Variants in AXIN2 observed in about 807,000 individuals in gnomAD.
The protein encoded by AXIN2 is axin 2, also known as axin-2.
In AXIN2, 21 loss-of-function variants were observed where a neutral mutation model predicts 74.7. The ratio of observed to expected loss-of-function variants is 0.28; its 90% CI spans 0.20 to 0.40. The LOEUF (loss-of-function observed/expected upper bound fraction) is 0.40. Among genes scored for constraint, AXIN2 ranks in the 10% least tolerant of loss-of-function variants. The probability of loss-of-function intolerance (pLI) is 1.00; values close to 1 mark genes in which losing one functional copy is unlikely to be tolerated. For synonymous variants in AXIN2, 532 were observed against 454.9 expected (o/e 1.17, Z -2.16); for missense variants, 1,144 against 1,111.1 (o/e 1.03, Z -0.42).
intron 4 of AXIN2, among the ~76,000 whole-genome samples, chr17:65,539,111 C>T (rs2044000230): frequency 6.6e-6 from 1 of 152,174 alleles, no homozygotes; most frequent in Admixed American, 6.5e-5. Flanking sequence ...AGTACGCCTG[C>T]CAAAAGCAGC....
At position 65,534,055 on chromosome 17, in the gene AXIN2, T is replaced by C. The variant is rs1060504485; in HGVS notation, c.2262A>G (p.Ala754=). The change falls in exon 10 of 11, where the codon GCA becomes GCG. Residue 754 remains alanine, a synonymous_variant. Transcript: ENST00000307078. ...PEDHKEPKKL[A]GVHALQASEL... is the part of the protein sequence containing the mutation. ...CACTGGCCTGGAGCGCGTGGACACC[T>C]GCCAGTTTCTTTGGCTCTTTGTGAC... 3.1e-6 allele frequency: 5 copies of C among 1,614,256 alleles called. No individual in the cohort carries two copies. The highest frequency in any genetic ancestry group is 4.2e-6 in the Non-Finnish European group (5 of 1,180,032).
At chr17:65,532,141 C>T (rs1469237706) in intron 10 of AXIN2, among the ~76,000 whole-genome samples, 1 of 152,004 alleles carries the variant, frequency 6.6e-6, no homozygotes, top group African/African-American at 2.4e-5. Context: ...GAGAGTTGAC[C>T]ATTTGTGCAA....
chr17:65,538,468 G>C, intron 4 of AXIN2, 125 bp from the exon 5 acceptor site: 1 of 1,312,230 alleles, frequency 7.6e-7, no homozygotes, highest in Non-Finnish European at 1.1e-6. Context: ...AGAGTGGATG[G>C]CAAGGCGGCC....
At chr17:65,554,440 G>A (rs1244584919) in intron 2 of AXIN2, among the ~76,000 whole-genome samples, 1 of 152,360 alleles carries the variant, frequency 6.6e-6, no homozygotes, top group African/African-American at 2.4e-5. Flanking sequence ...TCGGCAAGGG[G>A]CCAGGACTCC....
Position 65,536,181 on chromosome 17 carries a change from C to T in AXIN2, c.2141+139G>A, listed in dbSNP as rs896666079. 38 of 874,326 alleles carry T rather than the reference C, an allele frequency of 4.3e-5. No individual in the cohort carries two copies. The African/African-American group carries it at 6.2e-4, about 14-fold the overall frequency. The allele number at this position is 874,326 out of a possible 1,614,324, so 54.2% of individuals were successfully genotyped here. ...CTAGAAGCTGGAAAGCAGCAGCTTA[C>T]TCATCCATAAGTAATTCTTCTTCTC... On this transcript the variant is annotated intron_variant, in intron 8 of 10. Transcript: ENST00000307078.
chr17:65,558,465 A>G lies in AXIN2; in HGVS notation c.156T>C (p.Ser52=), dbSNP rs1433359604. The change falls in exon 2 of 11, where the codon TCT becomes TCC. Residue 52 remains serine, a synonymous_variant. Coordinates refer to ENST00000307078, the MANE Select transcript of AXIN2 (RefSeq NM_004655.4). ...CATCTTCGTTCCGCCTGGTGTTGGAAGAGACAGGCATGGGTTTGGTGACCT... is the reference window on the plus strand; with the variant it reads ...CATCTTCGTTCCGCCTGGTGTTGGAGGAGACAGGCATGGGTTTGGTGACCT... ...KGQVTKPMPV[S]SNTRRNEDGL... 2 of 1,603,944 alleles carry G rather than the reference A, an allele frequency of 1.2e-6. No individual in the cohort carries two copies. The highest frequency in any genetic ancestry group is 3.4e-5 in the Admixed American group (2 of 59,516).
intron 10 of AXIN2, among the ~76,000 whole-genome samples, chr17:65,533,478 G>A (rs115465187): frequency 9.4e-4 from 143 of 152,314 alleles, no homozygotes; most frequent in African/African-American, 3.4e-3. Context: ...CTAAACTCAA[G>A]CCAGTAGGGC....
intron 7 of AXIN2, 153 bp from the exon 8 acceptor site, chr17:65,536,706 A>C: frequency 7.2e-7 from 1 of 1,390,700 alleles, no homozygotes. Flanking sequence ...GTGCCAAAAC[A>C]TGACATTTTT....
intron 1 of AXIN2, chr17:65,559,544 G>A (rs1223204276): frequency 6.6e-6 from 1 of 151,444 alleles, no homozygotes; most frequent in Non-Finnish European, 1.5e-5. Context: ...TTCAAACTTT[G>A]AGAGAGAGCT....
chr17:65,534,703 C>T (rs760916214), intron 9 of AXIN2, among the ~76,000 whole-genome samples: 22 of 151,962 alleles, frequency 1.4e-4, no homozygotes, highest in Non-Finnish European at 2.8e-4. Context: ...CCGAGGTGGG[C>T]GGATCACTTG....
intron 3 of AXIN2, among the ~76,000 whole-genome samples, chr17:65,542,008 GATAAGAA>G (rs1171538771): frequency 1.3e-5 from 2 of 152,194 alleles, no homozygotes; most frequent in Admixed American, 1.3e-4. Flanking sequence ...AAGTTGTAGG[GATAAGAA>G]CCAAACCTAC....
Position 65,558,460 on chromosome 17 carries a change from T to C in AXIN2, c.161A>G (p.Asn54Ser), listed in dbSNP as rs876661194. The C allele has an allele frequency of 2.5e-6, 4 of 1,603,282 alleles. No homozygotes were observed. The highest frequency in any genetic ancestry group is 3.4e-6 in the Non-Finnish European group (4 of 1,173,222). ...QVTKPMPVSS[N>S]TRRNEDGLGE... Reference sequence around the variant, plus strand: ...CAACCCATCTTCGTTCCGCCTGGTGTTGGAAGAGACAGGCATGGGTTTGGT... The same window carrying C: ...CAACCCATCTTCGTTCCGCCTGGTGCTGGAAGAGACAGGCATGGGTTTGGT... The change falls in exon 2 of 11, where the codon AAC becomes AGC. Residue 54 changes from asparagine (N) to serine (S), a missense_variant. Asn to Ser is a conservative substitution (Grantham distance 46, BLOSUM62 1). Around this residue, in one of 4 missense-constraint regions of AXIN2, gnomAD observed 1,053 missense variants for 973.5 expected, o/e 1.08. Transcript: ENST00000307078.
chr17:65,529,898 T>C lies in AXIN2; in HGVS notation c.*78A>G, dbSNP rs973278025. 1.9e-5 allele frequency: 30 copies of C among 1,610,734 alleles called. No individual in the cohort carries two copies. The highest frequency in any genetic ancestry group is 2.5e-5 in the Non-Finnish European group (30 of 1,178,338). ...TGGTTTAATTTTCCTTCAAAATGTT[T>C]TGTCGCAGTTGCTCACAGCCAAGAC... On this transcript the variant is annotated 3_prime_UTR_variant, in exon 11 of 11. Transcript: ENST00000307078.
chr17:65,546,560 T>C (rs554123474), intron 3 of AXIN2, among the ~76,000 whole-genome samples: 1 of 152,258 alleles, frequency 6.6e-6, no homozygotes, highest in Non-Finnish European at 1.5e-5. Flanking sequence ...TGGAGACCCT[T>C]CTGATGTTTT....
Position 65,533,997 on chromosome 17 carries a change from C to T in AXIN2, c.2320G>A (p.Glu774Lys), listed in dbSNP as rs2043866536. ...TTCAGCATCCTCCGGTATGGAATTT[C>T]TTCCCCACAGAAAAAGTAAGTGACA... ...LVVTYFFCGEEIPYRRMLKAQ... is the reference protein window; with the variant it reads ...LVVTYFFCGEKIPYRRMLKAQ... The change falls in exon 10 of 11, where the codon GAA (glutamate) becomes AAA (lysine). Residue 774 changes from glutamate to lysine, a missense_variant. Glu to Lys is a moderately conservative substitution (Grantham distance 56, BLOSUM62 1). Coordinates refer to ENST00000307078, the MANE Select transcript of AXIN2 (RefSeq NM_004655.4). The T allele has an allele frequency of 1.2e-6, 2 of 1,614,242 alleles. No homozygotes were observed. Among genetic ancestry groups the T allele is most frequent in the East Asian group, 4.5e-5 (2 of 44,888 alleles).
chr17:65,556,184 C>A (rs1179832610), intron 2 of AXIN2, among the ~76,000 whole-genome samples: 1 of 152,178 alleles, frequency 6.6e-6, no homozygotes, highest in Non-Finnish European at 1.5e-5. Flanking sequence ...GCGTCCAAAA[C>A]CACACACTGT....
intron 10 of AXIN2, among the ~76,000 whole-genome samples, chr17:65,531,673 A>C (rs978505137): frequency 1.3e-5 from 2 of 152,164 alleles, no homozygotes; most frequent in Non-Finnish European, 2.9e-5. Flanking sequence ...GAGAGAGGCC[A>C]CATTCTCTCA....
chr17:65,537,201 C>T, intron 6 of AXIN2, 123 bp downstream of exon 6: 3 of 1,542,318 alleles, frequency 1.9e-6, no homozygotes, highest in South Asian at 1.1e-5. Context: ...CTCACCCGGC[C>T]GTGCACTCTG....
At chr17:65,553,747 G>A (rs964227208) in intron 2 of AXIN2, among the ~76,000 whole-genome samples, 1 of 149,558 alleles carries the variant, frequency 6.7e-6, no homozygotes, top group African/African-American at 2.5e-5. Flanking sequence ...GGGAGAGGCA[G>A]AGACTCGGTA....
Sources: gnomAD v4.1 joint callset for allele counts (sites outside exome capture counted in the v4.1 genomes callset) on GRCh38, gnomAD v4.1.1 for gene constraint, gnomAD v4.1.1 regional missense constraint, MANE v1.5 for transcripts, NCBI Gene and HGNC (gene_info 2026-07-23, HGNC 2026-07-21) for gene names.